The following TMEM26 variants were observed in gnomAD, a reference collection of about 807,000 sequenced individuals.
The protein encoded by TMEM26 is transmembrane protein 26.
A neutral mutation model predicts 28.8 loss-of-function variants in TMEM26; 38 were observed. That is an observed-to-expected ratio of 1.32 (90% confidence interval 1.02 to 1.73). TMEM26 has a LOEUF of 1.73. Ranked by LOEUF, TMEM26 falls within the 40% of genes most tolerant of loss-of-function variation. The pLI is 0.00. For missense variants in TMEM26, 518 were observed against 447.1 expected, an observed-to-expected ratio of 1.16 and a Z score of -1.43; for synonymous variants, 227 against 182.9, an observed-to-expected ratio of 1.24 and a Z score of -1.95.
intron 1 of TMEM26, among the ~76,000 whole-genome samples, chr10:61,447,695 G>A (rs535891483): frequency 7.3e-4 from 111 of 152,186 alleles, no homozygotes; most frequent in African/African-American, 2.6e-3. Context: ...GTCATTTGAG[G>A]GTATGTCAGA....
At chr10:61,439,050 T>C (rs1840050915) in intron 1 of TMEM26, among the ~76,000 whole-genome samples, 2 of 152,208 alleles carry the variant, frequency 1.3e-5, no homozygotes, top group South Asian at 4.1e-4. Flanking sequence ...CTCTCTGCTC[T>C]TTTAGTTTGG....
At chr10:61,442,808 T>G (rs1333347424) in intron 1 of TMEM26, among the ~76,000 whole-genome samples, 1 of 152,242 alleles carries the variant, frequency 6.6e-6, no homozygotes, top group East Asian at 1.9e-4. Context: ...GGCCTTAACA[T>G]GTATGATTTC....
intron 2 of TMEM26, 125 bp from the exon 3 acceptor site, chr10:61,431,457 A>G: frequency 1.7e-6 from 1 of 593,758 alleles, no homozygotes; most frequent in Non-Finnish European, 2.9e-6. Flanking sequence ...GCATATATAT[A>G]AACATTTCCA....
Position 61,410,422 on chromosome 10 carries a change from C to T in TMEM26, c.1007G>A (p.Gly336Glu). The change falls in exon 6 of 6, where the codon GGG becomes GAG. Residue 336 changes from glycine (G) to glutamate (E), a missense_variant. Transcript: ENST00000399298. ...GTTCTGCCAGTCCCGCTGAGAGGGC[C>T]CACTCTCAGAGGTCTGTGCCCGGCA... The part of the protein sequence containing the change: ...HGCRAQTSES[G>E]PSQRDWQNES... The T allele has an allele frequency of 1.2e-6, 2 of 1,614,012 alleles. No homozygotes were observed. Among genetic ancestry groups the T allele is most frequent in the Non-Finnish European group, 1.7e-6 (2 of 1,179,980 alleles).
Position 61,407,629 on chromosome 10 carries a change from C to A in TMEM26, c.*2693G>T, listed in dbSNP as rs1022038348. 3.9e-5 allele frequency: 6 copies of A among 152,168 alleles called. No homozygotes were observed. Among genetic ancestry groups the A allele is most frequent in the Non-Finnish European group, 7.4e-5 (5 of 68,024 alleles). The allele number at this position is 152,168 out of a possible 1,614,324, so 9.4% of individuals were successfully genotyped here. On this transcript the variant is annotated 3_prime_UTR_variant, in exon 6 of 6. Transcript: ENST00000399298. ...CATTGAAACATGCACATTGTGTTTT[C>A]TTTCACAAGTGGAATGACATGTTTT...
At chr10:61,435,916 G>A (rs1198702141) in intron 2 of TMEM26, among the ~76,000 whole-genome samples, 1 of 152,114 alleles carries the variant, frequency 6.6e-6, no homozygotes, top group East Asian at 1.9e-4. Context: ...GGAAGTCTTA[G>A]TAATAAGATC....
At chr10:61,411,529 A>G (rs1839569404) in intron 5 of TMEM26, among the ~76,000 whole-genome samples, 1 of 152,260 alleles carries the variant, frequency 6.6e-6, no homozygotes, top group Admixed American at 6.5e-5. Flanking sequence ...GCTTATATTC[A>G]AATTCAAACT....
Position 61,413,329 on chromosome 10 carries a change from C to A in TMEM26, c.682+130G>T, listed in dbSNP as rs537192248. On this transcript the variant is annotated intron_variant, in intron 5 of 5. Transcript: ENST00000399298. Reference sequence around the variant, plus strand: ...TACTAAGTTTCAATCTACTTTCCTTCTAAGCTGAACTAGAACTAATATTGG... The same window carrying A: ...TACTAAGTTTCAATCTACTTTCCTTATAAGCTGAACTAGAACTAATATTGG... 381 of 1,431,078 alleles carry A rather than the reference C, an allele frequency of 2.7e-4. 2 individuals carry two copies. The highest frequency in any genetic ancestry group is 3.2e-5 in the Non-Finnish European group (35 of 1,087,614). 88.6% of individuals were successfully genotyped at this position (1,431,078 alleles called of 1,614,324 possible).
rs1312794205 is a variant in TMEM26 at position 61,408,349 on chromosome 10, C to A, written c.*1973G>T. On this transcript the variant is annotated 3_prime_UTR_variant, in exon 6 of 6. Coordinates refer to ENST00000399298, the MANE Select transcript of TMEM26 (RefSeq NM_178505.8). The stretch of plus-strand genomic sequence containing the variant: ...AAACACTAGAAACTCATTCACGAAG[C>A]CAAGCCAAGTCTCAGATTTGAAAGC... The A allele has an allele frequency of 6.6e-6, 1 of 152,142 alleles. No homozygotes were observed. Among genetic ancestry groups the A allele is most frequent in the African/African-American group, 2.4e-5 (1 of 41,434 alleles). The allele number at this position is 152,142 out of a possible 1,614,324, so 9.4% of individuals were successfully genotyped here.
chr10:61,423,987 C>A (rs1243037140), intron 4 of TMEM26, among the ~76,000 whole-genome samples: 3 of 152,116 alleles, frequency 2.0e-5, no homozygotes, highest in Non-Finnish European at 2.9e-5. Context: ...ACAAAACCCA[C>A]AAGTAACATC....
At chr10:61,442,707 A>T (rs1840113171) in intron 1 of TMEM26, among the ~76,000 whole-genome samples, 2 of 152,222 alleles carry the variant, frequency 1.3e-5, no homozygotes, top group Admixed American at 1.3e-4. Context: ...TCAAAAAACC[A>T]GGTCATGATA....
intron 4 of TMEM26, among the ~76,000 whole-genome samples, chr10:61,425,323 G>A (rs757094876): frequency 6.6e-6 from 1 of 152,064 alleles, no homozygotes; most frequent in Non-Finnish European, 1.5e-5. Flanking sequence ...GATGAGATTT[G>A]GGCAGGGACA....
intron 2 of TMEM26, 99 bp downstream of exon 2, chr10:61,436,071 C>T (rs1840000880): frequency 5.8e-6 from 4 of 690,272 alleles, no homozygotes; most frequent in Non-Finnish European, 7.2e-6. Flanking sequence ...TTGCTAACTC[C>T]AGTACCTTAG....
In TMEM26 at chr10:61,407,494, A is replaced by T. The variant is rs1839510894; in HGVS notation, c.*2828T>A. On this transcript the variant is annotated 3_prime_UTR_variant, in exon 6 of 6. Coordinates refer to ENST00000399298, the MANE Select transcript of TMEM26 (RefSeq NM_178505.8). The stretch of plus-strand genomic sequence containing the variant: ...ATAAAAATTAAAAGAATAATCAAAG[A>T]TAAAGACAGTTTACTAATGTTACTA... The T allele has an allele frequency of 6.6e-6, 1 of 152,188 alleles. No individual in the cohort carries two copies. Among genetic ancestry groups the T allele is most frequent in the South Asian group, 2.1e-4 (1 of 4,834 alleles). The allele number at this position is 152,188 out of a possible 1,614,324, so 9.4% of individuals were successfully genotyped here.
At chr10:61,432,891 G>A (rs1198034678) in intron 2 of TMEM26, among the ~76,000 whole-genome samples, 1 of 152,124 alleles carries the variant, frequency 6.6e-6, no homozygotes, top group African/African-American at 2.4e-5. Flanking sequence ...TTGTGTGTGT[G>A]TATATGTGTG....
At chr10:61,438,856 A>T (rs767145576) in intron 1 of TMEM26, among the ~76,000 whole-genome samples, 62 of 152,206 alleles carry the variant, frequency 4.1e-4, no homozygotes, top group Non-Finnish European at 8.1e-4. Context: ...TGTGTATTTT[A>T]AATAAAACAA....
chr10:61,451,872 G>C (rs916814607), intron 1 of TMEM26, among the ~76,000 whole-genome samples: 1 of 152,058 alleles, frequency 6.6e-6, no homozygotes, highest in Non-Finnish European at 1.5e-5. Flanking sequence ...AAACTGTAGA[G>C]GGGTTGTTTC....
chr10:61,425,999 C>T (rs754705393), intron 4 of TMEM26, among the ~76,000 whole-genome samples: 1 of 151,986 alleles, frequency 6.6e-6, no homozygotes. Context: ...ATCCTCTTAG[C>T]AACATCATTC....
intron 1 of TMEM26, 85 bp downstream of exon 1, chr10:61,452,806 G>A: frequency 6.8e-7 from 1 of 1,464,966 alleles, no homozygotes; most frequent in African/African-American, 1.4e-5. Context: ...TAGAATCTGC[G>A]GGTTGCGGGA....
Sources: allele counts gnomAD v4.1 joint callset (sites outside exome capture counted in the v4.1 genomes callset), GRCh38; gene constraint gnomAD v4.1.1; transcripts MANE v1.5; gene names NCBI Gene and HGNC (gene_info 2026-07-23, HGNC 2026-07-21).